The following TTC13 variants were observed in gnomAD, a reference collection of about 807,000 sequenced individuals.
TTC13 encodes the protein tetratricopeptide repeat protein 13.
In TTC13, 62 loss-of-function variants were observed where a neutral mutation model predicts 120.0. The ratio of observed to expected loss-of-function variants is 0.52; its 90% CI spans 0.42 to 0.64. The LOEUF (loss-of-function observed/expected upper bound fraction) is 0.64, where lower values mean the gene tolerates loss of function less well. Among genes scored for constraint, TTC13 ranks in the 30% least tolerant of loss-of-function variants. TTC13 has a pLI of 0.00. For synonymous variants in TTC13, 384 were observed against 393.5 expected, an observed-to-expected ratio of 0.98 and a Z score of 0.28; for missense variants, 824 against 1,050.2, an observed-to-expected ratio of 0.78 and a Z score of 2.98.
At chr1:230,914,668 C>T (rs768199023) in intron 18 of TTC13, among the ~76,000 whole-genome samples, 10 of 152,208 alleles carry the variant, frequency 6.6e-5, no homozygotes, top group Non-Finnish European at 8.8e-5. Context: ...GCTAGGATTA[C>T]AGGCGTGAGC....
At chr1:230,962,713 T>A (rs999991897) in intron 1 of TTC13, among the ~76,000 whole-genome samples, 9 of 152,184 alleles carry the variant, frequency 5.9e-5, no homozygotes, top group African/African-American at 1.9e-4. Flanking sequence ...GATGAATGAA[T>A]AAACAAATTT....
intron 1 of TTC13, among the ~76,000 whole-genome samples, chr1:230,962,980 T>C (rs1676782838): frequency 1.3e-5 from 2 of 152,170 alleles, no homozygotes; most frequent in Non-Finnish European, 2.9e-5. Flanking sequence ...GGTTTTATTT[T>C]GGAGTGTTGA....
intron 16 of TTC13, 78 bp downstream of exon 16, chr1:230,921,343 C>T: frequency 1.2e-6 from 1 of 868,682 alleles, no homozygotes; most frequent in Non-Finnish European, 1.8e-6. Flanking sequence ...AGGCTTAGTT[C>T]TCAAGTTTCA....
intron 4 of TTC13, among the ~76,000 whole-genome samples, chr1:230,946,842 T>C (rs1675047799): frequency 1.3e-5 from 2 of 152,168 alleles, no homozygotes; most frequent in East Asian, 3.9e-4. Flanking sequence ...GTAACTGGTA[T>C]AGAGGTTGCT....
At chr1:230,972,283 C>T (rs1011972691) in intron 1 of TTC13, among the ~76,000 whole-genome samples, 2 of 152,202 alleles carry the variant, frequency 1.3e-5, no homozygotes, top group Non-Finnish European at 2.9e-5. Flanking sequence ...CTATTGATTT[C>T]GGTTCTTTCT....
chr1:230,937,919 C>A (rs931351891), intron 8 of TTC13, among the ~76,000 whole-genome samples: 3 of 152,206 alleles, frequency 2.0e-5, no homozygotes, highest in Non-Finnish European at 4.4e-5. Context: ...CAAACCAAGA[C>A]CATTCAACAT....
chr1:230,938,830 C>G (rs1161347693), intron 8 of TTC13, among the ~76,000 whole-genome samples: 2 of 152,216 alleles, frequency 1.3e-5, no homozygotes, highest in Non-Finnish European at 2.9e-5. Flanking sequence ...AGTCAAAATG[C>G]TTAGCACAGT....
intron 15 of TTC13, among the ~76,000 whole-genome samples, chr1:230,921,768 A>G (rs1450595771): frequency 6.6e-6 from 1 of 152,156 alleles, no homozygotes; most frequent in East Asian, 1.9e-4. Context: ...ATCCCCCAGC[A>G]CTAAAGTGAG....
chr1:230,928,592 G>C (rs895856734), intron 12 of TTC13, among the ~76,000 whole-genome samples: 68 of 152,092 alleles, frequency 4.5e-4, no homozygotes, highest in Non-Finnish European at 8.5e-4. Context: ...TCTGTGCACT[G>C]TCTAGGACTT....
rs923410598 is a variant in TTC13 at position 230,906,318 on chromosome 1, T to A, written c.*587A>T. The A allele has an allele frequency of 6.6e-6, 1 of 152,198 alleles. No homozygotes were observed. Among genetic ancestry groups the A allele is most frequent in the Non-Finnish European group, 1.5e-5 (1 of 68,030 alleles). The allele number at this position is 152,198 out of a possible 1,614,324, so 9.4% of individuals were successfully genotyped here. A position where few individuals can be genotyped will look rare whatever the true frequency, so the allele number is the denominator to read the frequency against. On this transcript the variant is annotated 3_prime_UTR_variant, in exon 23 of 23. Coordinates refer to ENST00000366661, the MANE Select transcript of TTC13 (RefSeq NM_024525.5). ...TCAACAAAGGAAAAAAAAACATGGT[T>A]CAATAATTCAGCATTTGGGACTCTG...
rs960962358 is a variant in TTC13, at chr1:230,921,593, T to C, written c.1815-89A>G. ...TAATTTCAAAGTTAATTTAAAAAAA[T>C]AAGAAACTATGAGAATAATGTAGAA... On this transcript the variant is annotated intron_variant, in intron 15 of 22. Transcript: ENST00000366661. The C allele has an allele frequency of 5.7e-6, 4 of 705,290 alleles. No individual in the cohort carries two copies. In the African/African-American group the frequency reaches 7.7e-5, roughly 14 times the overall value. 43.7% of individuals were successfully genotyped at this position (705,290 alleles called of 1,614,324 possible).
intron 8 of TTC13, among the ~76,000 whole-genome samples, chr1:230,937,023 T>C (rs1486070918): frequency 6.6e-6 from 1 of 152,224 alleles, no homozygotes; most frequent in African/African-American, 2.4e-5. Flanking sequence ...TCTATTATAC[T>C]TGCTGATGCT....
At chr1:230,918,629 T>C (rs1672270935) in intron 17 of TTC13, among the ~76,000 whole-genome samples, 1 of 152,192 alleles carries the variant, frequency 6.6e-6, no homozygotes, top group Admixed American at 6.5e-5. Flanking sequence ...TGAGGGGCAC[T>C]GTGTTAGTGC....
At chr1:230,946,769 C>A (rs1313958613) in intron 4 of TTC13, among the ~76,000 whole-genome samples, 2 of 152,162 alleles carry the variant, frequency 1.3e-5, no homozygotes, top group African/African-American at 4.8e-5. Flanking sequence ...CCACACTGCA[C>A]CAACTTTCTT....
intron 8 of TTC13, among the ~76,000 whole-genome samples, chr1:230,937,331 C>T (rs1161539580): frequency 6.6e-6 from 1 of 152,106 alleles, no homozygotes; most frequent in Non-Finnish European, 1.5e-5. Flanking sequence ...ATATTTTCAA[C>T]CTCTTAATAC....
intron 18 of TTC13, among the ~76,000 whole-genome samples, chr1:230,914,184 T>C (rs1572176824): frequency 1.3e-5 from 2 of 152,062 alleles, no homozygotes; most frequent in Non-Finnish European, 2.9e-5. Context: ...AGAAATTTCA[T>C]GTACAGTTGA....
At chr1:230,939,088 C>G (rs1384892476) in intron 8 of TTC13, among the ~76,000 whole-genome samples, 2 of 152,202 alleles carry the variant, frequency 1.3e-5, no homozygotes, top group Non-Finnish European at 2.9e-5. Context: ...TCCAATGAAT[C>G]TTTCTTATCT....
rs542048040 is a variant in TTC13 at position 230,912,670 on chromosome 1, C to A, written c.2182G>T (p.Asp728Tyr). 4 of 1,612,576 alleles carry A rather than the reference C, an allele frequency of 2.5e-6. No homozygotes were observed. Among genetic ancestry groups the A allele is most frequent in the East Asian group, 2.2e-5 (1 of 44,752 alleles). Residue 728 changes from aspartate to tyrosine, a missense_variant, in exon 19 of 23, where the codon GAT becomes TAT. Transcript: ENST00000366661. ...AATACTTTTCCTTTTGCTGTCAAAT[C>A]TTTATAAAGTGCATCTATTTCAGCA... The part of the protein sequence containing the change: ...YHAEIDALYK[D>Y]LTAKGKVLIL...
At chr1:230,957,985 T>G (rs1676258976) in intron 3 of TTC13, among the ~76,000 whole-genome samples, 1 of 152,154 alleles carries the variant, frequency 6.6e-6, no homozygotes. Flanking sequence ...CTCATTACCA[T>G]AATTATTAAT....
Sources: allele counts gnomAD v4.1 joint callset (sites outside exome capture counted in the v4.1 genomes callset), GRCh38; gene constraint gnomAD v4.1.1; transcripts MANE v1.5; gene names NCBI Gene and HGNC (gene_info 2026-07-23, HGNC 2026-07-21).